Variants in LAPTM4A observed in about 807,000 individuals in gnomAD.
LAPTM4A encodes lysosomal-associated transmembrane protein 4A.
In LAPTM4A, 19 loss-of-function variants were observed where a neutral mutation model predicts 29.9. The observed-to-expected ratio is 0.64, with a 90% CI of 0.44 to 0.93. The LOEUF is 0.93. Among genes scored for constraint, LAPTM4A ranks in the 40% least tolerant of loss-of-function variants. The probability of loss-of-function intolerance (pLI) is 0.00; values close to 1 mark genes in which losing one functional copy is unlikely to be tolerated. For missense variants in LAPTM4A, 293 were observed against 288.5 expected, an observed-to-expected ratio of 1.02 and a Z score of -0.11; for synonymous variants, 105 against 102.1, an observed-to-expected ratio of 1.03 and a Z score of -0.17.
intron 5 of LAPTM4A, 114 bp downstream of exon 5, chr2:20,034,853 C>T (rs1572395805): frequency 1.3e-6 from 1 of 742,944 alleles, no homozygotes; most frequent in Non-Finnish European, 2.4e-6. Flanking sequence ...CCAGAATAAA[C>T]ACTGTCCCCA....
At chr2:20,044,311 G>A (rs141581397) in intron 1 of LAPTM4A, among the ~76,000 whole-genome samples, 54 of 152,264 alleles carry the variant, frequency 3.5e-4, no homozygotes, top group African/African-American at 1.3e-3. Context: ...AAATCAATTA[G>A]GCAAACTCTT....
At chr2:20,047,880 G>C (rs937837204) in intron 1 of LAPTM4A, among the ~76,000 whole-genome samples, 14 of 152,054 alleles carry the variant, frequency 9.2e-5, no homozygotes, top group African/African-American at 3.4e-4. Context: ...AAAGTGACTT[G>C]GGAGGACAGC....
In LAPTM4A at chr2:20,033,270, G is replaced by A; in HGVS notation, c.637C>T (p.Pro213Ser). 1 of 1,613,502 alleles carries A rather than the reference G, an allele frequency of 6.2e-7. No individual in the cohort carries two copies. Among genetic ancestry groups the A allele is most frequent in the South Asian group, 1.1e-5 (1 of 91,072 alleles). ...AFEAPPQYVL[P>S]TYEMAVKMPE... Reference sequence around the variant, plus strand: ...ATTTTCACGGCCATTTCATAGGTTGGCAAAACGTACTAAAGAGAGAAAAAA... The same window carrying A: ...ATTTTCACGGCCATTTCATAGGTTGACAAAACGTACTAAAGAGAGAAAAAA... The change falls in exon 7 of 7, where the codon CCA becomes TCA. Residue 213 changes from proline to serine, a missense_variant. Coordinates refer to ENST00000175091, the MANE Select transcript of LAPTM4A (RefSeq NM_014713.5).
In LAPTM4A at chr2:20,050,971, G is replaced by A. The variant is rs147237160; in HGVS notation, c.111+439C>T. Among the ~76,000 whole-genome samples the A allele has an allele frequency of 5.1e-4, 78 of 152,330 alleles. 1 individual carries two copies. The highest frequency in any genetic ancestry group is 1.7e-3 in the African/African-American group (69 of 41,582). ...AAGACCAATGTCGAAACTAGACTGC[G>A]TTTACCAAGGTCCGCTCCTAATTAT... On this transcript the variant is annotated intron_variant, in intron 1 of 6. Coordinates refer to ENST00000175091, the MANE Select transcript of LAPTM4A (RefSeq NM_014713.5).
At position 20,037,407 on chromosome 2, in the gene LAPTM4A, C is replaced by T. The variant is rs778184525; in HGVS notation, c.341G>A (p.Cys114Tyr). ...GAGGACGAAGTCAAAAAGTCGGTAA[C>T]AGAAGAATGGAATCAGCCAACCCAC... ...YQVGWLIPFF[C>Y]YRLFDFVLSC... Residue 114 changes from cysteine (C) to tyrosine (Y), a missense_variant, in exon 4 of 7, where the codon TGT (cysteine) becomes TAT (tyrosine). Cys to Tyr is a radical substitution (Grantham distance 194). Transcript: ENST00000175091. The T allele has an allele frequency of 6.2e-7, 1 of 1,612,542 alleles. No individual in the cohort carries two copies. The highest frequency in any genetic ancestry group is 2.2e-5 in the East Asian group (1 of 44,826).
In LAPTM4A at chr2:20,051,511, T is replaced by G; in HGVS notation, c.10A>C (p.Met4Leu). 6.2e-7 allele frequency: 1 copy of G among 1,603,634 alleles called. No homozygotes were observed. The highest frequency in any genetic ancestry group is 8.5e-7 in the Non-Finnish European group (1 of 1,173,966). Residue 4 changes from methionine to leucine, a missense_variant, in exon 1 of 7, where the codon ATG (methionine) becomes CTG (leucine). Transcript: ENST00000175091. ...TCACTGCGGTTCCGCTTGAAACTCA[T>G]GGACACCATCGTAACAGGCGGGCCT... MVSMSFKRNRSDRF... is the reference protein window; with the variant it reads MVSLSFKRNRSDRF...
At chr2:20,041,726 G>A (rs1157517906) in intron 1 of LAPTM4A, among the ~76,000 whole-genome samples, 1 of 152,122 alleles carries the variant, frequency 6.6e-6, no homozygotes, top group Non-Finnish European at 1.5e-5. Context: ...GTAGAGACGG[G>A]GTTTCACTAT....
chr2:20,051,283 GC>G, intron 1 of LAPTM4A, 126 bp downstream of exon 1: 1 of 694,662 alleles, frequency 1.4e-6, no homozygotes, highest in East Asian at 2.7e-5. Flanking sequence ...GAGTTGGCGC[GC>G]CTTAAAAAGC....
At chr2:20,034,048 C>A (rs565085965) in intron 6 of LAPTM4A, among the ~76,000 whole-genome samples, 4 of 152,290 alleles carry the variant, frequency 2.6e-5, no homozygotes, top group African/African-American at 9.6e-5. Context: ...ACAGCTGTTT[C>A]CTGTCATCTC....
At chr2:20,035,231 C>T in intron 4 of LAPTM4A, 169 bp from the exon 5 acceptor site, 1 of 592,574 alleles carries the variant, frequency 1.7e-6, no homozygotes, top group Non-Finnish European at 3.1e-6. Context: ...AGCCTTATCA[C>T]CATTAATGCA....
In LAPTM4A at chr2:20,033,220, A is replaced by G; in HGVS notation, c.687T>C (p.Pro229=). ...VKMPEKEPPP[P]YLPA ...CAGAATTTCTTCAGGCAGGTAAGTA[A>G]GGAGGTGGTGGTTCTTTTTCAGGCA... Residue 229 remains proline, a synonymous_variant, in exon 7 of 7, where the codon CCT becomes CCC. Coordinates refer to ENST00000175091, the MANE Select transcript of LAPTM4A (RefSeq NM_014713.5). 2.5e-6 allele frequency: 4 copies of G among 1,614,052 alleles called. No homozygotes were observed. Among genetic ancestry groups the G allele is most frequent in the Non-Finnish European group, 3.4e-6 (4 of 1,179,914 alleles).
chr2:20,036,806 A>G (rs1673687048), intron 4 of LAPTM4A, among the ~76,000 whole-genome samples: 1 of 152,168 alleles, frequency 6.6e-6, no homozygotes, highest in African/African-American at 2.4e-5. Flanking sequence ...CTGCTGTGAC[A>G]GCTCCCGCTT....
intron 1 of LAPTM4A, among the ~76,000 whole-genome samples, chr2:20,049,743 G>A (rs1173323792): frequency 6.6e-6 from 1 of 152,168 alleles, no homozygotes; most frequent in Non-Finnish European, 1.5e-5. Flanking sequence ...AGAAGAAACA[G>A]GAAGACTAAG....
intron 4 of LAPTM4A, 57 bp from the exon 5 acceptor site, chr2:20,035,119 T>C: frequency 4.3e-6 from 5 of 1,150,774 alleles, no homozygotes; most frequent in Admixed American, 1.8e-5. Flanking sequence ...CACTTGCTGA[T>C]AACCTGAAGA....
chr2:20,035,552 A>G (rs1673661621), intron 4 of LAPTM4A, among the ~76,000 whole-genome samples: 1 of 152,242 alleles, frequency 6.6e-6, no homozygotes, highest in African/African-American at 2.4e-5. Flanking sequence ...ACTGGTTACA[A>G]TGTCAGGCAA....
intron 1 of LAPTM4A, among the ~76,000 whole-genome samples, chr2:20,046,422 G>A (rs570211638): frequency 6.6e-6 from 1 of 151,880 alleles, no homozygotes; most frequent in Admixed American, 6.6e-5. Flanking sequence ...ATATTTTTTG[G>A]AGGAGACATT....
intron 1 of LAPTM4A, among the ~76,000 whole-genome samples, chr2:20,050,571 G>T (rs1346207869): frequency 6.6e-6 from 1 of 152,130 alleles, no homozygotes; most frequent in East Asian, 1.9e-4. Flanking sequence ...GGTTTAATGT[G>T]CATGGATACT....
chr2:20,041,926 T>C (rs1217452648), intron 1 of LAPTM4A, among the ~76,000 whole-genome samples: 2 of 152,334 alleles, frequency 1.3e-5, no homozygotes, highest in East Asian at 1.9e-4. Flanking sequence ...TTCTCTAGAA[T>C]AGACATGCAG....
chr2:20,048,957 T>G (rs1279270957), intron 1 of LAPTM4A, among the ~76,000 whole-genome samples: 1 of 152,220 alleles, frequency 6.6e-6, no homozygotes, highest in African/African-American at 2.4e-5. Context: ...TGCTATGGTA[T>G]TCAAGCTACT....
Sources: gnomAD v4.1 joint callset for allele counts (sites outside exome capture counted in the v4.1 genomes callset) on GRCh38, gnomAD v4.1.1 for gene constraint, MANE v1.5 for transcripts, NCBI Gene and HGNC (gene_info 2026-07-23, HGNC 2026-07-21) for gene names.